PPP4R3B: variants seen among roughly 807,000 people sequenced by gnomAD.
PPP4R3B encodes the protein serine/threonine-protein phosphatase 4 regulatory subunit 3B.
PPP4R3B carries 52 observed loss-of-function variants against 95.4 expected under a neutral mutation model. That is an observed-to-expected ratio of 0.54 (90% CI 0.44 to 0.69). The LOEUF (loss-of-function observed/expected upper bound fraction) is 0.69. Among genes scored for constraint, PPP4R3B ranks in the 30% least tolerant of loss-of-function variants. The probability of loss-of-function intolerance (pLI) is 0.00; values close to 1 mark genes in which losing one functional copy is unlikely to be tolerated. For synonymous variants in PPP4R3B, 407 were observed against 343.9 expected (o/e 1.18, Z -2.03); for missense variants, 1,003 against 1,005.9 (o/e 1.00, Z 0.04).
chr2:55,586,896 A>G lies in PPP4R3B; in HGVS notation c.1000-162T>C, dbSNP rs1006565019. On this transcript the variant is annotated intron_variant, in intron 5 of 16. Coordinates refer to ENST00000616407, the MANE Select transcript of PPP4R3B (RefSeq NM_001122964.3). The stretch of plus-strand genomic sequence containing the variant: ...CATTAAAAACAAATTAAAAACTAGC[A>G]CCCCATTAAAAGTAAACCTTGCATT... Among the ~76,000 whole-genome samples the G allele has an allele frequency of 1.6e-4, 24 of 152,268 alleles. 1 individual carries two copies. The highest frequency in any genetic ancestry group is 4.3e-4 in the African/African-American group (18 of 41,560).
intron 5 of PPP4R3B, among the ~76,000 whole-genome samples, chr2:55,587,778 T>C (rs1690362759): frequency 6.6e-6 from 1 of 152,168 alleles, no homozygotes; most frequent in Non-Finnish European, 1.5e-5. Context: ...AATACTGGTT[T>C]AAGGACTGAA....
rs570989890 is a variant in PPP4R3B at position 55,593,293 on chromosome 2, T to C, written c.922-4337A>G. On this transcript the variant is annotated intron_variant, in intron 4 of 16. Transcript: ENST00000616407. ...TTATGTCCCTATCATGCTTAAGATATTGTCAACATGTATTAGCACACATAC... is the reference window on the plus strand; with the variant it reads ...TTATGTCCCTATCATGCTTAAGATACTGTCAACATGTATTAGCACACATAC... 8.0e-4 allele frequency among the ~76,000 whole-genome samples: 122 copies of C among 152,346 alleles called. 3 individuals carry two copies. In the South Asian group the frequency reaches 0.023, roughly 29 times the overall value.
chr2:55,615,770 TGA>T (rs1392893317), intron 1 of PPP4R3B, among the ~76,000 whole-genome samples: 1 of 143,048 alleles, frequency 7.0e-6, no homozygotes, highest in Non-Finnish European at 1.5e-5. Flanking sequence ...GAGAATCGCT[TGA>T]GAGAGAGGGA....
chr2:55,611,585 G>C (rs978376708), intron 2 of PPP4R3B, among the ~76,000 whole-genome samples: 1 of 152,142 alleles, frequency 6.6e-6, no homozygotes, highest in African/African-American at 2.4e-5. Context: ...CATTCAGCTT[G>C]ACTCATTCTA....
At chr2:55,562,224 C>A (rs537707482) in intron 15 of PPP4R3B, among the ~76,000 whole-genome samples, 8 of 152,182 alleles carry the variant, frequency 5.3e-5, no homozygotes, top group South Asian at 4.2e-4. Context: ...GAGTTCAAGA[C>A]CAGCCTGGCC....
In PPP4R3B at chr2:55,547,499, G is replaced by A. The variant is rs1178906693; in HGVS notation, c.*2412C>T. On this transcript the variant is annotated 3_prime_UTR_variant, in exon 17 of 17. Transcript: ENST00000616407. ...GAATTCTCACAATTGTTCTTTTGAG[G>A]GATATTTTAAGCCTTGTTCTCTTAT... is the stretch of plus-strand genomic sequence containing the variant. 4 of 152,116 alleles carry A rather than the reference G, an allele frequency of 2.6e-5. No homozygotes were observed. Among genetic ancestry groups the A allele is most frequent in the African/African-American group, 9.7e-5 (4 of 41,420 alleles). The allele number at this position is 152,116 out of a possible 1,614,324, so 9.4% of individuals were successfully genotyped here.
At chr2:55,561,365 G>T (rs1423266892) in intron 15 of PPP4R3B, among the ~76,000 whole-genome samples, 1 of 152,216 alleles carries the variant, frequency 6.6e-6, no homozygotes, top group African/African-American at 2.4e-5. Context: ...CTCTACTAGG[G>T]CAGTGCGGAA....
chr2:55,585,681 A>G lies in PPP4R3B; in HGVS notation c.1117-514T>C, dbSNP rs373537025. On this transcript the variant is annotated intron_variant, in intron 6 of 16. Coordinates refer to ENST00000616407, the MANE Select transcript of PPP4R3B (RefSeq NM_001122964.3). ...CTTTTCTGCAACTTAGTTTTCTAAG[A>G]TGGTAATCCTAGATACTTTTCCCCT... Among the ~76,000 whole-genome samples the G allele has an allele frequency of 1.2e-3, 185 of 152,260 alleles. 1 individual carries two copies. The highest frequency in any genetic ancestry group is 0.01 in the Middle Eastern group (3 of 292).
chr2:55,581,436 C>T, intron 8 of PPP4R3B, 131 bp downstream of exon 8: 2 of 939,246 alleles, frequency 2.1e-6, no homozygotes, highest in Non-Finnish European at 3.1e-6. Context: ...AAATGAATTG[C>T]TATAAGAATA....
chr2:55,579,610 GTTAGTT>G, intron 9 of PPP4R3B, 63 bp downstream of exon 9: 1 of 1,082,188 alleles, frequency 9.2e-7, no homozygotes, highest in Non-Finnish European at 1.3e-6. Flanking sequence ...TAAATTGCCT[GTTAGTT>G]TAATATTTAT....
At chr2:55,554,525 A>T (rs1209113621) in intron 16 of PPP4R3B, among the ~76,000 whole-genome samples, 1 of 152,150 alleles carries the variant, frequency 6.6e-6, no homozygotes, top group Non-Finnish European at 1.5e-5. Context: ...ATCTTTCCAC[A>T]TGTTTATATG....
At chr2:55,612,705 G>A (rs780620156) in intron 2 of PPP4R3B, among the ~76,000 whole-genome samples, 2 of 152,090 alleles carry the variant, frequency 1.3e-5, no homozygotes, top group Admixed American at 6.6e-5. Flanking sequence ...AGCACTTTGG[G>A]GGGCCGAGGC....
intron 9 of PPP4R3B, 69 bp downstream of exon 9, chr2:55,579,610 G>A (rs1689169372): frequency 4.6e-6 from 5 of 1,082,070 alleles, no homozygotes; most frequent in South Asian, 3.8e-5. Context: ...TAAATTGCCT[G>A]TTAGTTTAAT....
At chr2:55,612,741 G>A (rs1292016021) in intron 2 of PPP4R3B, among the ~76,000 whole-genome samples, 6 of 152,040 alleles carry the variant, frequency 3.9e-5, no homozygotes, top group Non-Finnish European at 8.8e-5. Flanking sequence ...TCAGGAGATC[G>A]AGACCATTCT....
rs1423158581 is a variant in PPP4R3B at position 55,578,281 on chromosome 2, A to G, written c.1530T>C (p.His510=). The change falls in exon 10 of 17, where the codon CAT becomes CAC. Residue 510 remains histidine (H), a synonymous_variant. Coordinates refer to ENST00000616407, the MANE Select transcript of PPP4R3B (RefSeq NM_001122964.3). ...WSFICTPSHS[H]SHSTPSSSIS... is the part of the protein sequence containing the mutation. Reference sequence around the variant, plus strand: ...TGGAGGAAGAGGGGGTAGAATGGGAATGGGAATGTGAAGGGGTACATATGA... The same window carrying G: ...TGGAGGAAGAGGGGGTAGAATGGGAGTGGGAATGTGAAGGGGTACATATGA... The G allele has an allele frequency of 1.3e-6, 2 of 1,484,414 alleles. No individual in the cohort carries two copies. Among genetic ancestry groups the G allele is most frequent in the Non-Finnish European group, 9.0e-7 (1 of 1,115,094 alleles). 92.0% of individuals were successfully genotyped at this position (1,484,414 alleles called of 1,614,324 possible). A position where few individuals can be genotyped will look rare whatever the true frequency, so the allele number is the denominator to read the frequency against.
intron 16 of PPP4R3B, among the ~76,000 whole-genome samples, chr2:55,558,020 C>A: frequency 6.6e-6 from 1 of 152,064 alleles, no homozygotes; most frequent in Non-Finnish European, 1.5e-5. Flanking sequence ...AGCCTTACTA[C>A]TAATAGAGTA....
chr2:55,604,203 A>T, intron 2 of PPP4R3B, 127 bp from the exon 3 acceptor site: 1 of 529,448 alleles, frequency 1.9e-6, no homozygotes, highest in South Asian at 4.5e-5. Flanking sequence ...TAATCAATGT[A>T]TATCTGATTG....
intron 2 of PPP4R3B, among the ~76,000 whole-genome samples, chr2:55,611,573 G>A (rs1694171011): frequency 6.6e-6 from 1 of 152,204 alleles, no homozygotes; most frequent in South Asian, 2.1e-4. Flanking sequence ...CCAGTCATAT[G>A]ACATTCAGCT....
intron 9 of PPP4R3B, 46 bp from the exon 10 acceptor site, chr2:55,578,388 G>GTA: frequency 7.9e-7 from 1 of 1,267,896 alleles, no homozygotes. Flanking sequence ...CCAACAGGGA[G>GTA]TATATGAGTG....
Sources: allele counts gnomAD v4.1 joint callset (sites outside exome capture counted in the v4.1 genomes callset), GRCh38; gene constraint gnomAD v4.1.1; transcripts MANE v1.5; gene names NCBI Gene and HGNC (gene_info 2026-07-23, HGNC 2026-07-21).